The following MDM2 variants were observed in gnomAD, a reference collection of about 807,000 sequenced individuals.
The protein encoded by MDM2 is E3 ubiquitin-protein ligase Mdm2.
In MDM2, 11 loss-of-function variants were observed where a neutral mutation model predicts 64.3. The ratio of observed to expected loss-of-function variants is 0.17; its 90% CI spans 0.11 to 0.28. MDM2 has a LOEUF of 0.28. MDM2 is among the 10% of genes least tolerant of loss of function. The pLI, the probability that MDM2 is intolerant of heterozygous loss-of-function variation, is 1.00. For synonymous variants in MDM2, 194 were observed against 192.9 expected, an observed-to-expected ratio of 1.01 and a Z score of -0.05; for missense variants, 388 against 577.1, an observed-to-expected ratio of 0.67 and a Z score of 3.36.
Position 68,826,648 on chromosome 12 carries a change from T to TA in MDM2, c.523+2013dup, listed in dbSNP as rs66535458. Among the ~76,000 whole-genome samples, 98 of 129,556 alleles carry TA rather than the reference T, an allele frequency of 7.6e-4. 2 individuals carry two copies. The South Asian group carries it at 0.012, about 16-fold the overall frequency. 85.0% of individuals were successfully genotyped at this position (129,556 alleles called of 152,430 possible). Reference sequence around the variant, plus strand: ...TGGGGTACAGAGTGAGACTCCCTCTTAAAAAAAAAAAAAAAAGAAAAGAAA... The same window carrying TA: ...TGGGGTACAGAGTGAGACTCCCTCTTAAAAAAAAAAAAAAAAAGAAAAGAAA... On this transcript the variant is annotated intron_variant, in intron 7 of 10. Transcript: ENST00000258149.
rs1363915200 is a variant in MDM2, at chr12:68,808,189, A to AGGCACCGC, written c.-285_-278dup. The AGGCACCGC allele has an allele frequency of 8.6e-5, 44 of 512,278 alleles. No homozygotes were observed. The South Asian group carries it at 1.1e-3, about 12-fold the overall frequency. The allele number at this position is 512,278 out of a possible 1,614,324, so 31.7% of individuals were successfully genotyped here. On this transcript the variant is annotated 5_prime_UTR_variant, in exon 1 of 11. Transcript: ENST00000258149. Reference sequence around the variant, plus strand: ...CTCGGGCGGTAGGGGGCGCGCACCGAGGCACCGCGGCGAGCTTGGCTGCTT... The same window carrying AGGCACCGC: ...CTCGGGCGGTAGGGGGCGCGCACCGAGGCACCGCGGCACCGCGGCGAGCTTGGCTGCTT...
intron 4 of MDM2, among the ~76,000 whole-genome samples, chr12:68,818,503 T>C (rs1437627733): frequency 6.7e-6 from 1 of 149,238 alleles, no homozygotes; most frequent in African/African-American, 2.4e-5. Context: ...AGTACTATAT[T>C]TAAATTTCAT....
At chr12:68,819,743 G>A (rs553404997) in intron 4 of MDM2, among the ~76,000 whole-genome samples, 8 of 152,172 alleles carry the variant, frequency 5.3e-5, no homozygotes, top group Non-Finnish European at 1.0e-4. Flanking sequence ...TGCCGGACTC[G>A]GCCTTCCGAA....
intron 5 of MDM2, among the ~76,000 whole-genome samples, chr12:68,822,521 G>A (rs1184343536): frequency 2.0e-5 from 3 of 151,956 alleles, no homozygotes; most frequent in African/African-American, 7.3e-5. Context: ...TTGTGTGATA[G>A]CTAAATATAC....
rs544138988 is a variant in MDM2 at position 68,843,727 on chromosome 12, A to G, written c.*3878A>G. The G allele has an allele frequency of 1.2e-4, 27 of 224,348 alleles. 1 individual carries two copies. In the South Asian group the frequency reaches 4.6e-3, roughly 38 times the overall value. 13.9% of individuals were successfully genotyped at this position (224,348 alleles called of 1,614,324 possible). A position where few individuals can be genotyped will look rare whatever the true frequency, so the allele number is the denominator to read the frequency against. On this transcript the variant is annotated 3_prime_UTR_variant, in exon 11 of 11. Coordinates refer to ENST00000258149, the MANE Select transcript of MDM2 (RefSeq NM_002392.6). ...TCTCTCTCTCTCTCTGTCTGTCTCA[A>G]TAAATGGCCAAAGGGATTAGTAGTT...
intron 9 of MDM2, among the ~76,000 whole-genome samples, chr12:68,836,294 A>G (rs1883304781): frequency 6.6e-6 from 1 of 152,218 alleles, no homozygotes; most frequent in Non-Finnish European, 1.5e-5. Context: ...ACTTTCTATA[A>G]AAGTAAAACA....
At chr12:68,831,985 G>A (rs1882835119) in intron 8 of MDM2, among the ~76,000 whole-genome samples, 1 of 152,126 alleles carries the variant, frequency 6.6e-6, no homozygotes, top group Non-Finnish European at 1.5e-5. Flanking sequence ...CAGGAGAATC[G>A]CTTGAACCCG....
chr12:68,844,806 G>A lies in MDM2; in HGVS notation c.*4957G>A. 1.0e-5 allele frequency: 2 copies of A among 200,500 alleles called. No individual in the cohort carries two copies. The highest frequency in any genetic ancestry group is 2.1e-5 in the Non-Finnish European group (2 of 97,452). 12.4% of individuals were successfully genotyped at this position (200,500 alleles called of 1,614,324 possible). A position where few individuals can be genotyped will look rare whatever the true frequency, so the allele number is the denominator to read the frequency against. On this transcript the variant is annotated 3_prime_UTR_variant, in exon 11 of 11. Coordinates refer to ENST00000258149, the MANE Select transcript of MDM2 (RefSeq NM_002392.6). ...TTTTGAGACGGAGTCTTGCTCTGTG[G>A]CTCAGGCTGGAGTACAGTGGTGCAA...
Position 68,835,863 on chromosome 12 carries a change from ATTGG to A in MDM2, c.724_727del (p.Leu242IlefsTer11). ...GCTGGTGTAAGTGAACATTCAGGTG[ATTGG>A]TTGGATCAGGATTCAGTTTCAGATC... On this transcript the variant is annotated frameshift_variant, in exon 9 of 11. Transcript: ENST00000258149. LOFTEE classifies it high-confidence loss of function. 1 of 1,613,198 alleles carries A rather than the reference ATTGG, an allele frequency of 6.2e-7. No individual in the cohort carries two copies. Among genetic ancestry groups the A allele is most frequent in the Non-Finnish European group, 8.5e-7 (1 of 1,179,530 alleles).
chr12:68,830,939 G>C (rs976490735), intron 8 of MDM2, among the ~76,000 whole-genome samples: 3 of 152,166 alleles, frequency 2.0e-5, no homozygotes, highest in African/African-American at 7.2e-5. Context: ...GACCTCAAGT[G>C]ATCTGCCTGC....
chr12:68,836,315 T>TAGG (rs1213950007), intron 9 of MDM2, among the ~76,000 whole-genome samples: 1 of 152,180 alleles, frequency 6.6e-6, no homozygotes, highest in African/African-American at 2.4e-5. Flanking sequence ...TGCATACAGT[T>TAGG]AAAGTCAAGT....
chr12:68,835,809 A>T lies in MDM2; in HGVS notation c.685-20A>T, dbSNP rs764710762. ...CAAGAGGTGATGTTTATTAAGTTAT[A>T]TATTTTTTTCTTGTTTTAGGATCTT... is the stretch of plus-strand genomic sequence containing the variant. On this transcript the variant is annotated intron_variant, in intron 8 of 10. Coordinates refer to ENST00000258149, the MANE Select transcript of MDM2 (RefSeq NM_002392.6). 5.0e-6 allele frequency: 8 copies of T among 1,607,182 alleles called. No individual in the cohort carries two copies. Among genetic ancestry groups the T allele is most frequent in the Non-Finnish European group, 6.8e-6 (8 of 1,176,874 alleles).
At chr12:68,808,605 G>T in intron 1 of MDM2, 114 bp downstream of exon 1, 1 of 1,488,816 alleles carries the variant, frequency 6.7e-7, no homozygotes, top group Non-Finnish European at 9.1e-7. Flanking sequence ...CGTGGCTGGG[G>T]GCTCGGGGCG....
intron 5 of MDM2, among the ~76,000 whole-genome samples, chr12:68,821,158 C>G (rs1314586437): frequency 6.7e-6 from 1 of 148,284 alleles, no homozygotes; most frequent in Admixed American, 6.9e-5. Context: ...AGCAATTCTT[C>G]TGCCTCAGCC....
intron 5 of MDM2, among the ~76,000 whole-genome samples, chr12:68,821,746 A>C (rs1881875683): frequency 6.6e-6 from 1 of 152,010 alleles, no homozygotes; most frequent in Admixed American, 6.6e-5. Context: ...AACAAAACAA[A>C]AAAACACCTC....
Position 68,840,089 on chromosome 12 carries a change from TA to T in MDM2, c.*243del, listed in dbSNP as rs1342185764. 3 of 449,748 alleles carry T rather than the reference TA, an allele frequency of 6.7e-6. No homozygotes were observed. The highest frequency in any genetic ancestry group is 1.2e-5 in the Non-Finnish European group (3 of 257,268). The allele number at this position is 449,748 out of a possible 1,614,324, so 27.9% of individuals were successfully genotyped here. A position where few individuals can be genotyped will look rare whatever the true frequency, so the allele number is the denominator to read the frequency against. On this transcript the variant is annotated 3_prime_UTR_variant, in exon 11 of 11. Coordinates refer to ENST00000258149, the MANE Select transcript of MDM2 (RefSeq NM_002392.6). ...ATTTTAAATAATTTCTACTCTGTCT[TA>T]AATGAGAAGTACTTGGTTTTTTTTT... is the stretch of plus-strand genomic sequence containing the variant.
At chr12:68,813,155 C>T (rs906882420) in intron 2 of MDM2, among the ~76,000 whole-genome samples, 1 of 152,164 alleles carries the variant, frequency 6.6e-6, no homozygotes, top group Non-Finnish European at 1.5e-5. Context: ...GTTAGGTTCT[C>T]TAGCCTTCAG....
Position 68,844,810 on chromosome 12 carries a change from A to G in MDM2, c.*4961A>G. ...GAGACGGAGTCTTGCTCTGTGGCTCAGGCTGGAGTACAGTGGTGCAATCTT... is the reference window on the plus strand; with the variant it reads ...GAGACGGAGTCTTGCTCTGTGGCTCGGGCTGGAGTACAGTGGTGCAATCTT... On this transcript the variant is annotated 3_prime_UTR_variant, in exon 11 of 11. Coordinates refer to ENST00000258149, the MANE Select transcript of MDM2 (RefSeq NM_002392.6). 5.0e-6 allele frequency: 1 copy of G among 200,196 alleles called. No homozygotes were observed. The highest frequency in any genetic ancestry group is 1.0e-5 in the Non-Finnish European group (1 of 97,206). 12.4% of individuals were successfully genotyped at this position (200,196 alleles called of 1,614,324 possible).
Position 68,828,840 on chromosome 12 carries a change from C to T in MDM2, c.593C>T (p.Ser198Phe), listed in dbSNP as rs1369872407. Residue 198 changes from serine (S) to phenylalanine (F), a missense_variant, in exon 8 of 11, where the codon TCC becomes TTC. Physicochemically the swap from Ser to Phe is radical, Grantham distance 155. Transcript: ENST00000258149. ...CACAAATCTGATAGTATTTCCCTTT[C>T]CTTTGATGAAAGCCTGGCTCTGTGT... is the stretch of plus-strand genomic sequence containing the variant. Reference protein sequence around the residue: ...KRHKSDSISLSFDESLALCVI... With the variant: ...KRHKSDSISLFFDESLALCVI... 2 of 1,614,020 alleles carry T rather than the reference C, an allele frequency of 1.2e-6. No homozygotes were observed. Among genetic ancestry groups the T allele is most frequent in the South Asian group, 2.2e-5 (2 of 91,080 alleles).
Sources: gnomAD v4.1 joint callset for allele counts (sites outside exome capture counted in the v4.1 genomes callset) on GRCh38, gnomAD v4.1.1 for gene constraint, MANE v1.5 for transcripts, NCBI Gene and HGNC (gene_info 2026-07-23, HGNC 2026-07-21) for gene names.